The following SMAD9 variants were observed in gnomAD, a reference collection of about 807,000 sequenced individuals.
SMAD9 encodes MAD homolog 9.
Under a neutral mutation model 46.1 loss-of-function variants are expected in SMAD9, and 36 were observed. The ratio of observed to expected loss-of-function variants is 0.78; its 90% confidence interval spans 0.60 to 1.03. The LOEUF (loss-of-function observed/expected upper bound fraction) is 1.03, where lower values mean the gene tolerates loss of function less well. Ranked by LOEUF, SMAD9 falls within the 50% of genes least tolerant of loss-of-function variation. The pLI, the probability that SMAD9 is intolerant of heterozygous loss-of-function variation, is 0.00. For synonymous variants in SMAD9, 245 were observed against 237.1 expected (o/e 1.03, Z -0.31); for missense variants, 572 against 599.8 (o/e 0.95, Z 0.48).
intron 1 of SMAD9, among the ~76,000 whole-genome samples, chr13:36,918,857 C>T (rs888953338): frequency 6.6e-6 from 1 of 152,168 alleles, no homozygotes; most frequent in Non-Finnish European, 1.5e-5. Flanking sequence ...CTTTCCCAGA[C>T]GGGTGCCACA....
intron 5 of SMAD9, among the ~76,000 whole-genome samples, chr13:36,854,624 G>C (rs571437230): frequency 1.3e-5 from 2 of 152,022 alleles, no homozygotes; most frequent in Non-Finnish European, 2.9e-5. Flanking sequence ...CACCCGCCTC[G>C]GCCTCCCAAA....
rs1417540387 is a variant in SMAD9, at chr13:36,845,046, G to A, written c.*3630C>T. ...AGTTCTGCTATTAAAATCGTAACAG[G>A]GAAAGACAAAATGTGAAATGCATGT... On this transcript the variant is annotated 3_prime_UTR_variant, in exon 7 of 7. Coordinates refer to ENST00000379826, the MANE Select transcript of SMAD9 (RefSeq NM_001127217.3). 1 of 151,598 alleles carries A rather than the reference G, an allele frequency of 6.6e-6. No individual in the cohort carries two copies. The allele number at this position is 151,598 out of a possible 1,614,324, so 9.4% of individuals were successfully genotyped here.
At chr13:36,910,753 C>T (rs889949426) in intron 1 of SMAD9, among the ~76,000 whole-genome samples, 6 of 152,264 alleles carry the variant, frequency 3.9e-5, no homozygotes, top group Non-Finnish European at 8.8e-5. Context: ...CAGCACTGAT[C>T]AGCTCTCTGC....
intron 2 of SMAD9, 73 bp from the exon 3 acceptor site, chr13:36,872,988 T>A: frequency 1.3e-6 from 2 of 1,534,614 alleles, no homozygotes; most frequent in Admixed American, 3.4e-5. Context: ...GGATACTTGC[T>A]GTTCTTATCT....
chr13:36,872,144 C>T (rs1365530126), intron 3 of SMAD9, among the ~76,000 whole-genome samples: 3 of 152,114 alleles, frequency 2.0e-5, no homozygotes, highest in Non-Finnish European at 2.9e-5. Context: ...ATTTAAGATG[C>T]TGTCCTGGCT....
chr13:36,859,173 AT>A (rs370012411), intron 5 of SMAD9, among the ~76,000 whole-genome samples: 87 of 152,314 alleles, frequency 5.7e-4, no homozygotes, highest in African/African-American at 1.9e-3. Context: ...ATGTTAAAAT[AT>A]TTTTTAGGAT....
At chr13:36,895,610 G>A (rs1262956603) in intron 1 of SMAD9, among the ~76,000 whole-genome samples, 1 of 152,208 alleles carries the variant, frequency 6.6e-6, no homozygotes, top group East Asian at 1.9e-4. Context: ...AGATCTTTTA[G>A]ATTTGGGTAA....
In SMAD9 at chr13:36,872,869, C is replaced by A; in HGVS notation, c.459G>T (p.Gln153His). Residue 153 changes from glutamine (Q) to histidine (H), a missense_variant, in exon 3 of 7, where the codon CAG (glutamine) becomes CAT (histidine). Coordinates refer to ENST00000379826, the MANE Select transcript of SMAD9 (RefSeq NM_001127217.3). The part of the protein sequence containing the change: ...LVPRHSEYNP[Q>H]LSLLAKFRSA... ...TGCGGAACTTGGCCAGGAGGCTGAGCTGGGGGTTATATTCACTGTGTCTTG... is the reference window on the plus strand; with the variant it reads ...TGCGGAACTTGGCCAGGAGGCTGAGATGGGGGTTATATTCACTGTGTCTTG... 1 of 1,614,100 alleles carries A rather than the reference C, an allele frequency of 6.2e-7. No individual in the cohort carries two copies. Among genetic ancestry groups the A allele is most frequent in the Non-Finnish European group, 8.5e-7 (1 of 1,180,022 alleles).
chr13:36,884,820 G>A (rs909706589), intron 1 of SMAD9, among the ~76,000 whole-genome samples: 1 of 152,090 alleles, frequency 6.6e-6, no homozygotes, highest in African/African-American at 2.4e-5. Flanking sequence ...CTAAGCCCTG[G>A]GCACATGGAA....
intron 5 of SMAD9, among the ~76,000 whole-genome samples, chr13:36,857,863 C>A (rs2058141907): frequency 2.6e-5 from 4 of 152,180 alleles, no homozygotes; most frequent in African/African-American, 4.8e-5. Flanking sequence ...AAGCACAACG[C>A]CTCCTCTCGA....
rs554533687 is a variant in SMAD9 at position 36,891,482 on chromosome 13, T to C, written c.-186-11607A>G. Among the ~76,000 whole-genome samples the C allele has an allele frequency of 3.3e-5, 5 of 152,352 alleles. No homozygotes were observed. In the South Asian group the frequency reaches 1.0e-3, roughly 32 times the overall value. On this transcript the variant is annotated intron_variant, in intron 1 of 6. Transcript: ENST00000379826. Reference sequence around the variant, plus strand: ...TTTCTGGCCTTACTAAATGGTTTACTAGGTGAAGGGGGAGATGTGTTGCTT... The same window carrying C: ...TTTCTGGCCTTACTAAATGGTTTACCAGGTGAAGGGGGAGATGTGTTGCTT...
chr13:36,920,533 A>AC (rs2058737928), upstream of SMAD9: 1 of 151,406 alleles, frequency 6.6e-6, no homozygotes, highest in Non-Finnish European at 1.5e-5. Context: ...CCCCTGCGCG[A>AC]CCCCAGGCTC....
upstream of SMAD9, chr13:36,920,365 G>C (rs898029467): frequency 6.6e-6 from 1 of 150,550 alleles, no homozygotes; most frequent in African/African-American, 2.4e-5. Flanking sequence ...AGAGGAGGGG[G>C]CTGCGCGGGC....
At chr13:36,902,906 C>T (rs916707133) in intron 1 of SMAD9, among the ~76,000 whole-genome samples, 4 of 152,146 alleles carry the variant, frequency 2.6e-5, no homozygotes, top group African/African-American at 9.7e-5. Context: ...GAGCCTGACA[C>T]ATATTATGTG....
intron 1 of SMAD9, among the ~76,000 whole-genome samples, chr13:36,912,835 A>G (rs868437876): frequency 3.3e-5 from 5 of 152,182 alleles, no homozygotes; most frequent in Admixed American, 6.5e-5. Flanking sequence ...TGACAAGACT[A>G]ACTAAAAATT....
intron 3 of SMAD9, among the ~76,000 whole-genome samples, chr13:36,868,696 A>G (rs947781666): frequency 6.6e-6 from 1 of 152,100 alleles, no homozygotes; most frequent in African/African-American, 2.4e-5. Context: ...CTGTGCCCCC[A>G]TACTCCAGCC....
At chr13:36,860,378 A>T (rs189599490) in intron 5 of SMAD9, among the ~76,000 whole-genome samples, 1 of 152,188 alleles carries the variant, frequency 6.6e-6, no homozygotes, top group East Asian at 1.9e-4. Flanking sequence ...CGCTTGATCT[A>T]TCTCAGAAAG....
chr13:36,887,143 T>A (rs568351530), intron 1 of SMAD9, among the ~76,000 whole-genome samples: 1 of 147,684 alleles, frequency 6.8e-6, no homozygotes, highest in South Asian at 2.2e-4. Flanking sequence ...GTGCTGGGAT[T>A]ATAGGCATGA....
chr13:36,855,586 T>C (rs1423036688), intron 5 of SMAD9, among the ~76,000 whole-genome samples: 1 of 152,202 alleles, frequency 6.6e-6, no homozygotes, highest in Non-Finnish European at 1.5e-5. Context: ...TGGGGTCTAA[T>C]TGTGAAACTT....
Sources: allele counts gnomAD v4.1 joint callset (sites outside exome capture counted in the v4.1 genomes callset), GRCh38; gene constraint gnomAD v4.1.1; transcripts MANE v1.5; gene names NCBI Gene and HGNC (gene_info 2026-07-23, HGNC 2026-07-21).